PTAR1: variants seen among roughly 807,000 people sequenced by gnomAD.
PTAR1 encodes the protein protein prenyltransferase alpha subunit repeat-containing protein 1.
PTAR1 carries 17 observed loss-of-function variants against 45.5 expected under a neutral mutation model. The observed-to-expected ratio is 0.37, with a 90% confidence interval of 0.26 to 0.56. The LOEUF is 0.56. Among genes scored for constraint, PTAR1 ranks in the 20% least tolerant of loss-of-function variants. The pLI, the probability that PTAR1 is intolerant of heterozygous loss-of-function variation, is 0.77. For synonymous variants in PTAR1, 169 were observed against 171.3 expected (o/e 0.99, Z 0.11); for missense variants, 391 against 476.3 (o/e 0.82, Z 1.67).
rs377322134 is a variant in PTAR1, at chr9:69,712,299, T to A, written c.*6043A>T. 6.6e-6 allele frequency: 1 copy of A among 152,168 alleles called. No individual in the cohort carries two copies. The highest frequency in any genetic ancestry group is 1.5e-5 in the Non-Finnish European group (1 of 68,008). The allele number at this position is 152,168 out of a possible 1,614,324, so 9.4% of individuals were successfully genotyped here. On this transcript the variant is annotated 3_prime_UTR_variant, in exon 8 of 8. Coordinates refer to ENST00000340434, the MANE Select transcript of PTAR1 (RefSeq NM_001099666.2). Reference sequence around the variant, plus strand: ...TTAATATGAACAGTTTACATAACTATCTGGTTAATTTGGGCAAATGAGCAC... The same window carrying A: ...TTAATATGAACAGTTTACATAACTAACTGGTTAATTTGGGCAAATGAGCAC...
At position 69,712,584 on chromosome 9, in the gene PTAR1, A is replaced by G. The variant is rs1202870081; in HGVS notation, c.*5758T>C. ...AGTTTTATCTTTCTAGCTTTTATCA[A>G]CTCTTGACTTGTTGAATTCCTACAA... On this transcript the variant is annotated 3_prime_UTR_variant, in exon 8 of 8. Coordinates refer to ENST00000340434, the MANE Select transcript of PTAR1 (RefSeq NM_001099666.2). 6.6e-6 allele frequency: 1 copy of G among 152,112 alleles called. No homozygotes were observed. Among genetic ancestry groups the G allele is most frequent in the African/African-American group, 2.4e-5 (1 of 41,432 alleles). The allele number at this position is 152,112 out of a possible 1,614,324, so 9.4% of individuals were successfully genotyped here. A position where few individuals can be genotyped will look rare whatever the true frequency, so the allele number is the denominator to read the frequency against.
intron 5 of PTAR1, among the ~76,000 whole-genome samples, chr9:69,727,024 TATACAC>T (rs1363987412): frequency 0.012 from 773 of 65,860 alleles, 8 homozygotes; most frequent in African/African-American, 0.025. Context: ...AAATTGTGTA[TATACAC>T]ACACACACAC....
chr9:69,755,885 C>T (rs1207790884), intron 1 of PTAR1, among the ~76,000 whole-genome samples: 2 of 152,074 alleles, frequency 1.3e-5, no homozygotes, highest in African/African-American at 4.8e-5. Context: ...TTGTTACTTG[C>T]CATGCACGGT....
intron 2 of PTAR1, among the ~76,000 whole-genome samples, chr9:69,747,164 TC>T (rs1193336082): frequency 5.3e-5 from 8 of 152,316 alleles, no homozygotes; most frequent in Non-Finnish European, 1.0e-4. Flanking sequence ...TGATCCACAA[TC>T]CCTTTTCCTA....
chr9:69,724,948 A>C (rs1324701523), intron 5 of PTAR1, among the ~76,000 whole-genome samples: 1 of 152,200 alleles, frequency 6.6e-6, no homozygotes, highest in African/African-American at 2.4e-5. Flanking sequence ...TAGCCACCTA[A>C]ATTTATTCCA....
At chr9:69,737,183 G>A (rs1156682175) in intron 3 of PTAR1, among the ~76,000 whole-genome samples, 1 of 151,988 alleles carries the variant, frequency 6.6e-6, no homozygotes, top group East Asian at 1.9e-4. Flanking sequence ...GGGCTCAAGT[G>A]ATCCTCCTGC....
intron 3 of PTAR1, among the ~76,000 whole-genome samples, chr9:69,741,155 G>T (rs1252599032): frequency 6.6e-6 from 1 of 152,104 alleles, no homozygotes; most frequent in Admixed American, 6.6e-5. Flanking sequence ...TCTTAAAACA[G>T]TTTCATGGCT....
At position 69,725,607 on chromosome 9, in the gene PTAR1, T is replaced by A. The variant is rs191495583; in HGVS notation, c.643-1977A>T. Among the ~76,000 whole-genome samples the A allele has an allele frequency of 1.8e-3, 275 of 150,828 alleles. 2 individuals are homozygous for A. The highest frequency in any genetic ancestry group is 6.4e-3 in the African/African-American group (263 of 41,284). ...TCCATCTCAAAAAAGAAAAAAAATA[T>A]ATATATATATTTTCAACAAAATCAA... On this transcript the variant is annotated intron_variant, in intron 5 of 7. Coordinates refer to ENST00000340434, the MANE Select transcript of PTAR1 (RefSeq NM_001099666.2).
At chr9:69,720,322 A>G (rs1263437414) in intron 6 of PTAR1, among the ~76,000 whole-genome samples, 1 of 152,214 alleles carries the variant, frequency 6.6e-6, no homozygotes, top group African/African-American at 2.4e-5. Flanking sequence ...AGAAAAGCAG[A>G]TCAGCCACAA....
intron 5 of PTAR1, among the ~76,000 whole-genome samples, chr9:69,724,013 A>C (rs529569829): frequency 6.8e-4 from 103 of 152,332 alleles, no homozygotes; most frequent in African/African-American, 2.3e-3. Context: ...ATAAACTCAG[A>C]TTACTTTGAT....
intron 2 of PTAR1, among the ~76,000 whole-genome samples, chr9:69,744,954 G>T (rs370339068): frequency 6.6e-6 from 1 of 152,124 alleles, no homozygotes; most frequent in East Asian, 1.9e-4. Flanking sequence ...TACTACCTGG[G>T]TTTGAATCCC....
rs1187267213 is a variant in PTAR1 at position 69,713,877 on chromosome 9, C to T, written c.*4465G>A. On this transcript the variant is annotated 3_prime_UTR_variant, in exon 8 of 8. Transcript: ENST00000340434. ...AGTCTCTCACTGAAGGATAAAATACCCTACGGGGCCATGCCTAGCGATGGG... is the reference window on the plus strand; with the variant it reads ...AGTCTCTCACTGAAGGATAAAATACTCTACGGGGCCATGCCTAGCGATGGG... The T allele has an allele frequency of 6.6e-6, 1 of 152,036 alleles. No homozygotes were observed. The highest frequency in any genetic ancestry group is 2.4e-5 in the African/African-American group (1 of 41,410). 9.4% of individuals were successfully genotyped at this position (152,036 alleles called of 1,614,324 possible). A position where few individuals can be genotyped will look rare whatever the true frequency, so the allele number is the denominator to read the frequency against.
At chr9:69,750,728 A>T in intron 2 of PTAR1, 53 bp downstream of exon 2, 1 of 1,337,388 alleles carries the variant, frequency 7.5e-7, no homozygotes, top group Non-Finnish European at 1.0e-6. Context: ...TCTTCCTACT[A>T]TATTCCATGT....
intron 5 of PTAR1, among the ~76,000 whole-genome samples, chr9:69,726,704 T>C (rs1237030031): frequency 1.3e-5 from 2 of 152,004 alleles, no homozygotes; most frequent in African/African-American, 4.8e-5. Flanking sequence ...AAATATCTTT[T>C]CTTGTGTGAT....
At chr9:69,735,694 A>T (rs1035830066) in intron 3 of PTAR1, among the ~76,000 whole-genome samples, 20 of 152,110 alleles carry the variant, frequency 1.3e-4, no homozygotes, top group African/African-American at 4.8e-4. Flanking sequence ...ATAAAATCAG[A>T]TCATTTGTTA....
rs762177997 is a variant in PTAR1 at position 69,718,401 on chromosome 9, C to T, written c.1150G>A (p.Val384Met). 24 of 1,613,286 alleles carry T rather than the reference C, an allele frequency of 1.5e-5. No homozygotes were observed. In the Admixed American group the frequency reaches 1.8e-4, roughly 12 times the overall value. ...GCACTGGCAAACCTGGCTTGCTCCA[C>T]GTTCCGACAGGTGGACAATACTTGA... ...IDQVLSTCRN[V>M]EQARFASAYR... Residue 384 changes from valine (V) to methionine (M), a missense_variant, in exon 8 of 8, where the codon GTG (valine) becomes ATG (methionine). Transcript: ENST00000340434.
chr9:69,759,876 G>A lies in PTAR1; in HGVS notation c.63C>T (p.Asn21=). 1 of 1,530,982 alleles carries A rather than the reference G, an allele frequency of 6.5e-7. No individual in the cohort carries two copies. Among genetic ancestry groups the A allele is most frequent in the Non-Finnish European group, 8.8e-7 (1 of 1,138,916 alleles). The allele number at this position is 1,530,982 out of a possible 1,614,324, so 94.8% of individuals were successfully genotyped here. A position where few individuals can be genotyped will look rare whatever the true frequency, so the allele number is the denominator to read the frequency against. Residue 21 remains asparagine, a synonymous_variant, in exon 1 of 8, where the codon AAC becomes AAT. Transcript: ENST00000340434. ...LVQRVVKDIT[N]AFRRNPHIDE... ...ACATGTGTGGGTTCCTCCTGAAGGC[G>A]TTAGTGATGTCCTTCACAACCCGCT...
rs530825197 is a variant in PTAR1 at position 69,759,754 on chromosome 9, G to A, written c.86+99C>T. The A allele has an allele frequency of 9.0e-6, 11 of 1,216,066 alleles. No individual in the cohort carries two copies. In the African/African-American group the frequency reaches 1.1e-4, roughly 12 times the overall value. The allele number at this position is 1,216,066 out of a possible 1,614,324, so 75.3% of individuals were successfully genotyped here. On this transcript the variant is annotated intron_variant, in intron 1 of 7. Transcript: ENST00000340434. ...CTCCCTAGAAGGGCTCGTGGGCCAG[G>A]ACCCGCTGTCCGCCCGCCGCCCGAG...
chr9:69,716,556 C>A lies in PTAR1; in HGVS notation c.*1786G>T, dbSNP rs1455151064. On this transcript the variant is annotated 3_prime_UTR_variant, in exon 8 of 8. Transcript: ENST00000340434. ...TGATGCCAAAGAAAAGGACATATTTCTTCTTCTTTAAGGCAGTCTACCTAA... is the reference window on the plus strand; with the variant it reads ...TGATGCCAAAGAAAAGGACATATTTATTCTTCTTTAAGGCAGTCTACCTAA... The A allele has an allele frequency of 1.3e-5, 2 of 152,114 alleles. No homozygotes were observed. The highest frequency in any genetic ancestry group is 1.3e-4 in the Admixed American group (2 of 15,250). 9.4% of individuals were successfully genotyped at this position (152,114 alleles called of 1,614,324 possible).
Sources: allele counts gnomAD v4.1 joint callset (sites outside exome capture counted in the v4.1 genomes callset), GRCh38; gene constraint gnomAD v4.1.1; transcripts MANE v1.5; gene names NCBI Gene and HGNC (gene_info 2026-07-23, HGNC 2026-07-21).